MBD5: variants seen among roughly 807,000 people sequenced by gnomAD.
The protein encoded by MBD5 is methyl-CpG binding domain protein 5, also known as methyl-CpG-binding domain protein 5.
MBD5 carries 13 observed loss-of-function variants against 117.3 expected under a neutral mutation model. That is an observed-to-expected ratio of 0.11 (90% confidence interval 0.07 to 0.18). The LOEUF is 0.18. MBD5 is among the 10% of genes least tolerant of loss of function. MBD5 has a pLI of 1.00. For synonymous variants in MBD5, 727 were observed against 766.4 expected (o/e 0.95, Z 0.85); for missense variants, 1,879 against 2,093.8 (o/e 0.90, Z 2.00).
At chr2:148,148,425 CA>C (rs1345220480) in intron 1 of MBD5, among the ~76,000 whole-genome samples, 1 of 152,188 alleles carries the variant, frequency 6.6e-6, no homozygotes, top group Non-Finnish European at 1.5e-5. Flanking sequence ...ATTCGCTCTT[CA>C]TATGGAAATT....
Position 148,470,412 on chromosome 2 carries a change from G to A in MBD5, c.2469G>A (p.Val823=). The change falls in exon 8 of 14, where the codon GTG becomes GTA. Residue 823 remains valine, a synonymous_variant. Transcript: ENST00000642680. Reference sequence around the variant, plus strand: ...GAATTTCAACGTCCTCCACTCCAGTGATACCAAACAGCATTGTTAGCAGCT... The same window carrying A: ...GAATTTCAACGTCCTCCACTCCAGTAATACCAAACAGCATTGTTAGCAGCT... The part of the protein sequence containing the change: ...QSRISTSSTP[V]IPNSIVSSYN... 6.2e-7 allele frequency: 1 copy of A among 1,612,274 alleles called. No individual in the cohort carries two copies. Among genetic ancestry groups the A allele is most frequent in the Non-Finnish European group, 8.5e-7 (1 of 1,178,816 alleles).
intron 1 of MBD5, among the ~76,000 whole-genome samples, chr2:148,084,592 C>T (rs1695731507): frequency 6.6e-6 from 1 of 151,912 alleles, no homozygotes; most frequent in African/African-American, 2.4e-5. Context: ...TAGGTTCTGC[C>T]TTTTTTTAGG....
chr2:148,045,489 A>G (rs986936005), intron 1 of MBD5, among the ~76,000 whole-genome samples: 2 of 152,238 alleles, frequency 1.3e-5, no homozygotes, highest in African/African-American at 2.4e-5. Flanking sequence ...GTGGCTTATC[A>G]TATGCCAGAC....
chr2:148,049,083 A>G (rs1009318835), intron 1 of MBD5, among the ~76,000 whole-genome samples: 8 of 152,220 alleles, frequency 5.3e-5, no homozygotes, highest in Non-Finnish European at 4.4e-5. Flanking sequence ...ATGGTAAAAA[A>G]GAAGCATTTT....
At chr2:148,266,615 A>G (rs987515920) in intron 3 of MBD5, among the ~76,000 whole-genome samples, 2 of 152,060 alleles carry the variant, frequency 1.3e-5, no homozygotes, top group Admixed American at 1.3e-4. Context: ...ACTATTACCT[A>G]TATAGAGTTA....
At chr2:148,484,771 A>G (rs1681282022) in intron 9 of MBD5, among the ~76,000 whole-genome samples, 4 of 152,186 alleles carry the variant, frequency 2.6e-5, no homozygotes. Context: ...ATCACAAAAT[A>G]GTTCGAAAAT....
chr2:148,122,661 C>T (rs1480050730), intron 1 of MBD5, among the ~76,000 whole-genome samples: 2 of 152,118 alleles, frequency 1.3e-5, no homozygotes, highest in Non-Finnish European at 2.9e-5. Flanking sequence ...CTCGAGGTGG[C>T]TTGACGAAAC....
At chr2:148,381,715 C>T (rs374755578) in intron 4 of MBD5, among the ~76,000 whole-genome samples, 3 of 152,138 alleles carry the variant, frequency 2.0e-5, no homozygotes, top group Non-Finnish European at 4.4e-5. Context: ...AGAGAAAGGT[C>T]GGGTTACCCA....
chr2:148,500,625 A>G (rs1441262561), intron 11 of MBD5, among the ~76,000 whole-genome samples: 1 of 152,174 alleles, frequency 6.6e-6, no homozygotes, highest in East Asian at 1.9e-4. Flanking sequence ...CAATGGGGTA[A>G]GTTTTAATTG....
chr2:148,357,397 T>G (rs1703411598), intron 4 of MBD5, among the ~76,000 whole-genome samples: 1 of 152,174 alleles, frequency 6.6e-6, no homozygotes, highest in Non-Finnish European at 1.5e-5. Flanking sequence ...TCCACTCTCT[T>G]CAGACATTCA....
chr2:148,389,274 AT>A (rs1704486893), intron 4 of MBD5, among the ~76,000 whole-genome samples: 1 of 83,008 alleles, frequency 1.2e-5, no homozygotes, highest in South Asian at 4.5e-4. Flanking sequence ...ATATATATAT[AT>A]ATATATATAT....
intron 3 of MBD5, among the ~76,000 whole-genome samples, chr2:148,302,571 A>G (rs1477733604): frequency 6.6e-6 from 1 of 152,128 alleles, no homozygotes; most frequent in African/African-American, 2.4e-5. Context: ...TAGATGTGGG[A>G]CTTAGATTGG....
intron 1 of MBD5, among the ~76,000 whole-genome samples, chr2:148,166,958 G>A (rs899194820): frequency 4.6e-5 from 7 of 151,768 alleles, no homozygotes; most frequent in African/African-American, 7.3e-5. Context: ...TGGGGGTTTT[G>A]TTTCTGTTTT....
intron 4 of MBD5, among the ~76,000 whole-genome samples, chr2:148,400,926 T>C (rs1049557739): frequency 1.2e-4 from 19 of 152,188 alleles, no homozygotes; most frequent in East Asian, 1.2e-3. Context: ...TGAATAGCAC[T>C]GCAGAGAAAG....
chr2:148,364,155 A>T (rs1465510157), intron 4 of MBD5, among the ~76,000 whole-genome samples: 1 of 152,172 alleles, frequency 6.6e-6, no homozygotes, highest in Non-Finnish European at 1.5e-5. Flanking sequence ...CTCAGTAGAA[A>T]CCCTACAAGC....
intron 3 of MBD5, among the ~76,000 whole-genome samples, chr2:148,242,293 T>C (rs2106198399): frequency 6.6e-6 from 1 of 152,158 alleles, no homozygotes; most frequent in South Asian, 2.1e-4. Context: ...ACCTTACTAC[T>C]AGATACCAGA....
In MBD5 at chr2:148,416,603, G is replaced by A. The variant is rs564624970; in HGVS notation, c.-556-41600G>A. Among the ~76,000 whole-genome samples, 2 of 152,014 alleles carry A rather than the reference G, an allele frequency of 1.3e-5. 1 individual carries two copies. Among genetic ancestry groups the A allele is most frequent in the South Asian group, 4.2e-4 (2 of 4,802 alleles). On this transcript the variant is annotated intron_variant, in intron 4 of 13. Transcript: ENST00000642680. ...TTTTGTATTAGGACATTTGCTTTTCGGTTTTTTATATATTTAATTTTTTTT... is the reference window on the plus strand; with the variant it reads ...TTTTGTATTAGGACATTTGCTTTTCAGTTTTTTATATATTTAATTTTTTTT...
chr2:148,177,554 T>G (rs143251757), intron 1 of MBD5, among the ~76,000 whole-genome samples: 14 of 152,342 alleles, frequency 9.2e-5, no homozygotes, highest in African/African-American at 3.4e-4. Context: ...TAGAAATAAC[T>G]CAGTGTTTTT....
Position 148,490,065 on chromosome 2 carries a change from A to C in MBD5, c.4433A>C (p.His1478Pro). Residue 1478 changes from histidine (H) to proline (P), a missense_variant, in exon 11 of 14, where the codon CAC (histidine) becomes CCC (proline). Physicochemically the swap from His to Pro is moderately conservative, Grantham distance 77. Transcript: ENST00000642680. The part of the protein sequence containing the change: ...STLPFLPGEQ[H>P]PILLPPRNCP... ...CTGCCATTTCTGCCTGGGGAACAGC[A>C]CCCAATACTGTTACCACCAAGAAAC... is the stretch of plus-strand genomic sequence containing the variant. 6.2e-7 allele frequency: 1 copy of C among 1,614,008 alleles called. No homozygotes were observed. The highest frequency in any genetic ancestry group is 8.5e-7 in the Non-Finnish European group (1 of 1,180,002).
Sources: gnomAD v4.1 joint callset for allele counts (sites outside exome capture counted in the v4.1 genomes callset) on GRCh38, gnomAD v4.1.1 for gene constraint, MANE v1.5 for transcripts, NCBI Gene and HGNC (gene_info 2026-07-23, HGNC 2026-07-21) for gene names.